Variants in AP2M1 observed in about 807,000 individuals in gnomAD.
AP2M1 encodes AP-2 complex subunit mu.
Under a neutral mutation model 54.5 loss-of-function variants are expected in AP2M1, and 5 were observed. The observed-to-expected ratio is 0.09, with a 90% CI of 0.05 to 0.19. The LOEUF is 0.19. AP2M1 is among the 10% of genes least tolerant of loss of function. The probability of loss-of-function intolerance (pLI) is 1.00; values close to 1 mark genes in which losing one functional copy is unlikely to be tolerated. For synonymous variants in AP2M1, 186 were observed against 208.2 expected (o/e 0.89, Z 0.92); for missense variants, 178 against 580.2 (o/e 0.31, Z 7.12).
In AP2M1 at chr3:184,183,250, A is replaced by C. The variant is rs569753635; in HGVS notation, c.1174-232A>C. On this transcript the variant is annotated intron_variant, in intron 11 of 11. Coordinates refer to ENST00000292807, the MANE Select transcript of AP2M1 (RefSeq NM_004068.4). This position sits in a 1 kb window ranked among gnomAD's most constrained non-coding sequence, Gnocchi z 5.7. ...GAGCAGGATAAGTATGTTCTAAAGC[A>C]GTTCTTTGGTTGCTGTCTCCTGCTG... The C allele has an allele frequency of 6.8e-6, 4 of 591,458 alleles. No homozygotes were observed. The highest frequency in any genetic ancestry group is 1.2e-5 in the Non-Finnish European group (4 of 336,278). The allele number at this position is 591,458 out of a possible 1,614,324, so 36.6% of individuals were successfully genotyped here.
At chr3:184,179,652 G>A (rs1715203483) in intron 3 of AP2M1, among the ~76,000 whole-genome samples, 1 of 139,938 alleles carries the variant, frequency 7.1e-6, no homozygotes, top group Non-Finnish European at 1.5e-5. Context: ...CTCTTCTATT[G>A]ATTTCTTTTC....
chr3:184,180,464 C>A lies in AP2M1; in HGVS notation c.424-181C>A. ...AGCATCTCTATTACCAGGAATACAG[C>A]TCAAGCAGTTTCCTTTTGCACTGAG... is the stretch of plus-strand genomic sequence containing the variant. On this transcript the variant is annotated intron_variant, in intron 4 of 11. Transcript: ENST00000292807. The surrounding 1 kb of genome is among the most constrained non-coding windows in gnomAD (Gnocchi z 4.9). 1.8e-6 allele frequency: 2 copies of A among 1,105,930 alleles called. No individual in the cohort carries two copies. The highest frequency in any genetic ancestry group is 2.6e-6 in the Non-Finnish European group (2 of 762,854). 68.5% of individuals were successfully genotyped at this position (1,105,930 alleles called of 1,614,324 possible). A position where few individuals can be genotyped will look rare whatever the true frequency, so the allele number is the denominator to read the frequency against.
At position 184,181,829 on chromosome 3, in the gene AP2M1, G is replaced by A. The variant is rs779644185; in HGVS notation, c.827+14G>A. On this transcript the variant is annotated intron_variant, in intron 8 of 11. Coordinates refer to ENST00000292807, the MANE Select transcript of AP2M1 (RefSeq NM_004068.4). The surrounding 1 kb of genome is among the most constrained non-coding windows in gnomAD (Gnocchi z 5.7). Reference sequence around the variant, plus strand: ...TGAGCTTATGAGGTGCCATTGGGGTGTGAGGAGGCAGCTAGTGCTGCTGGC... The same window carrying A: ...TGAGCTTATGAGGTGCCATTGGGGTATGAGGAGGCAGCTAGTGCTGCTGGC... 5 of 1,614,096 alleles carry A rather than the reference G, an allele frequency of 3.1e-6. No individual in the cohort carries two copies. Among genetic ancestry groups the A allele is most frequent in the Non-Finnish European group, 4.2e-6 (5 of 1,180,056 alleles).
chr3:184,180,519 C>T lies in AP2M1; in HGVS notation c.424-126C>T. 1.4e-6 allele frequency: 2 copies of T among 1,468,308 alleles called. No homozygotes were observed. Among genetic ancestry groups the T allele is most frequent in the Non-Finnish European group, 1.9e-6 (2 of 1,066,760 alleles). 91.0% of individuals were successfully genotyped at this position (1,468,308 alleles called of 1,614,324 possible). A position where few individuals can be genotyped will look rare whatever the true frequency, so the allele number is the denominator to read the frequency against. On this transcript the variant is annotated intron_variant, in intron 4 of 11. Coordinates refer to ENST00000292807, the MANE Select transcript of AP2M1 (RefSeq NM_004068.4). The surrounding 1 kb of genome is among the most constrained non-coding windows in gnomAD (Gnocchi z 4.9). ...GGGGGAGGAGGCCTGGTCTTGAGGC[C>T]TGGTATTCCTCAGGAGGAGCGAGCT...
At chr3:184,177,520 T>C (rs1434113472) in intron 2 of AP2M1, 1 of 1,534,296 alleles carries the variant, frequency 6.5e-7, no homozygotes, top group East Asian at 2.4e-5. Context: ...GGCTGCCCAA[T>C]CCTCTCCTGC....
At position 184,180,428 on chromosome 3, in the gene AP2M1, G is replaced by T; in HGVS notation, c.423+177G>T. ...TCTGTGTGGTCCTCCCACTGCAGGA[G>T]CAGCCAATTCAGCATCTCTATTACC... is the stretch of plus-strand genomic sequence containing the variant. On this transcript the variant is annotated intron_variant, in intron 4 of 11. Transcript: ENST00000292807. This position sits in a 1 kb window ranked among gnomAD's most constrained non-coding sequence, Gnocchi z 4.9. 1 of 1,042,082 alleles carries T rather than the reference G, an allele frequency of 9.6e-7. No individual in the cohort carries two copies. The highest frequency in any genetic ancestry group is 1.6e-5 in the South Asian group (1 of 62,966). 64.6% of individuals were successfully genotyped at this position (1,042,082 alleles called of 1,614,324 possible). A position where few individuals can be genotyped will look rare whatever the true frequency, so the allele number is the denominator to read the frequency against.
chr3:184,174,945 G>A lies in AP2M1; in HGVS notation c.-58G>A. On this transcript the variant is annotated 5_prime_UTR_variant, in exon 1 of 12. Transcript: ENST00000292807. ...GAGTGGCCGGGCCGGCAGAGCAGGG[G>A]GCCGAGGACACCAGGTGAGCCGGGG... 1 of 398,824 alleles carries A rather than the reference G, an allele frequency of 2.5e-6. No individual in the cohort carries two copies. Among genetic ancestry groups the A allele is most frequent in the Non-Finnish European group, 4.4e-6 (1 of 226,232 alleles). The allele number at this position is 398,824 out of a possible 1,614,324, so 24.7% of individuals were successfully genotyped here.
rs371662321 is a variant in AP2M1 at position 184,180,558 on chromosome 3, C to G, written c.424-87C>G. ...GAGGAGCGAGCTTGGGCCCTCTCCTCTAGGATCCAAGCCTCATAGCTTTCT... is the reference window on the plus strand; with the variant it reads ...GAGGAGCGAGCTTGGGCCCTCTCCTGTAGGATCCAAGCCTCATAGCTTTCT... On this transcript the variant is annotated intron_variant, in intron 4 of 11. Transcript: ENST00000292807. This position sits in a 1 kb window ranked among gnomAD's most constrained non-coding sequence, Gnocchi z 4.9. The G allele has an allele frequency of 8.3e-5, 134 of 1,605,264 alleles. No homozygotes were observed. Among genetic ancestry groups the G allele is most frequent in the Non-Finnish European group, 1.1e-4 (130 of 1,175,080 alleles).
chr3:184,181,514 C>T lies in AP2M1; in HGVS notation c.708-182C>T. 1.1e-6 allele frequency: 1 copy of T among 918,024 alleles called. No individual in the cohort carries two copies. The highest frequency in any genetic ancestry group is 1.6e-6 in the Non-Finnish European group (1 of 620,894). The allele number at this position is 918,024 out of a possible 1,614,324, so 56.9% of individuals were successfully genotyped here. Reference sequence around the variant, plus strand: ...ACCCAGGTCCCTAGCAGAAGGAGCCCCAAGAGATGAGCTTGCAAGGCTTCC... The same window carrying T: ...ACCCAGGTCCCTAGCAGAAGGAGCCTCAAGAGATGAGCTTGCAAGGCTTCC... On this transcript the variant is annotated intron_variant, in intron 7 of 11. Transcript: ENST00000292807. This position sits in a 1 kb window ranked among gnomAD's most constrained non-coding sequence, Gnocchi z 5.7.
rs766384141 is a variant in AP2M1, at chr3:184,182,127, C to T, written c.964-24C>T. ...GCTGATGTCACAGCTTGACAGAGCTCCCTGACAGGTGTGTCACTTCTAGGT... is the reference window on the plus strand; with the variant it reads ...GCTGATGTCACAGCTTGACAGAGCTTCCTGACAGGTGTGTCACTTCTAGGT... On this transcript the variant is annotated intron_variant, in intron 9 of 11. Transcript: ENST00000292807. This position sits in a 1 kb window ranked among gnomAD's most constrained non-coding sequence, Gnocchi z 5.5. 183 of 1,612,990 alleles carry T rather than the reference C, an allele frequency of 1.1e-4. No homozygotes were observed. Among genetic ancestry groups the T allele is most frequent in the Non-Finnish European group, 1.5e-4 (175 of 1,179,452 alleles).
intron 2 of AP2M1, chr3:184,177,674 C>G: frequency 2.8e-6 from 4 of 1,435,330 alleles, no homozygotes; most frequent in Non-Finnish European, 3.8e-6. Context: ...TCAGTAGACC[C>G]AGAGCAGCTC....
In AP2M1 at chr3:184,181,426, T is replaced by C; in HGVS notation, c.707+200T>C. On this transcript the variant is annotated intron_variant, in intron 7 of 11. Coordinates refer to ENST00000292807, the MANE Select transcript of AP2M1 (RefSeq NM_004068.4). The surrounding 1 kb of genome is among the most constrained non-coding windows in gnomAD (Gnocchi z 5.7). ...TCCTCAGAGAGCAAGCCCCTTTGTTTGGTCCCTAGGACCAAGGCCTTTTCT... is the reference window on the plus strand; with the variant it reads ...TCCTCAGAGAGCAAGCCCCTTTGTTCGGTCCCTAGGACCAAGGCCTTTTCT... 1 of 919,614 alleles carries C rather than the reference T, an allele frequency of 1.1e-6. No homozygotes were observed. Among genetic ancestry groups the C allele is most frequent in the Non-Finnish European group, 1.6e-6 (1 of 623,712 alleles). The allele number at this position is 919,614 out of a possible 1,614,324, so 57.0% of individuals were successfully genotyped here.
chr3:184,183,153 G>A lies in AP2M1; in HGVS notation c.1173+285G>A. On this transcript the variant is annotated intron_variant, in intron 11 of 11. Coordinates refer to ENST00000292807, the MANE Select transcript of AP2M1 (RefSeq NM_004068.4). The surrounding 1 kb of genome is among the most constrained non-coding windows in gnomAD (Gnocchi z 5.7). ...AGACACAAAGTTTACTTACAGACAG[G>A]ATAATGGGCTGACTTTGCTTTGCGC... 1 of 557,462 alleles carries A rather than the reference G, an allele frequency of 1.8e-6. No individual in the cohort carries two copies. Among genetic ancestry groups the A allele is most frequent in the Non-Finnish European group, 3.2e-6 (1 of 311,554 alleles). 34.5% of individuals were successfully genotyped at this position (557,462 alleles called of 1,614,324 possible).
At position 184,181,750 on chromosome 3, in the gene AP2M1, CAGCA is replaced by C; in HGVS notation, c.765_768del (p.Lys256LeufsTer19). 6.2e-7 allele frequency: 1 copy of C among 1,614,096 alleles called. No individual in the cohort carries two copies. Among genetic ancestry groups the C allele is most frequent in the Non-Finnish European group, 8.5e-7 (1 of 1,179,958 alleles). On this transcript the variant is annotated frameshift_variant, in exon 8 of 12. Transcript: ENST00000292807. LOFTEE classifies it high-confidence loss of function. This position sits in a 1 kb window ranked among gnomAD's most constrained non-coding sequence, Gnocchi z 5.7. ...GCACCTTCCACCAGTGTGTGCGACTCAGCAAGTTTGACTCTGAACGCAGCATCAG... is the reference window on the plus strand; with the variant it reads ...GCACCTTCCACCAGTGTGTGCGACTCAGTTTGACTCTGAACGCAGCATCAG...
Position 184,180,514 on chromosome 3 carries a change from G to C in AP2M1, c.424-131G>C, listed in dbSNP as rs1715237735. 2 of 1,441,270 alleles carry C rather than the reference G, an allele frequency of 1.4e-6. No individual in the cohort carries two copies. The highest frequency in any genetic ancestry group is 1.9e-6 in the Non-Finnish European group (2 of 1,045,482). 89.3% of individuals were successfully genotyped at this position (1,441,270 alleles called of 1,614,324 possible). On this transcript the variant is annotated intron_variant, in intron 4 of 11. Coordinates refer to ENST00000292807, the MANE Select transcript of AP2M1 (RefSeq NM_004068.4). This position sits in a 1 kb window ranked among gnomAD's most constrained non-coding sequence, Gnocchi z 4.9. Reference sequence around the variant, plus strand: ...GGGGTGGGGGAGGAGGCCTGGTCTTGAGGCCTGGTATTCCTCAGGAGGAGC... The same window carrying C: ...GGGGTGGGGGAGGAGGCCTGGTCTTCAGGCCTGGTATTCCTCAGGAGGAGC...
rs1288785648 is a variant in AP2M1 at position 184,178,587 on chromosome 3, C to G, written c.75-270C>G. Among the ~76,000 whole-genome samples the G allele has an allele frequency of 6.6e-6, 1 of 152,250 alleles. No individual in the cohort carries two copies. Among genetic ancestry groups the G allele is most frequent in the Non-Finnish European group, 1.5e-5 (1 of 68,044 alleles). ...ATCTGTCTCTAAACCTGATGAACCT[C>G]ACTTTATTAAGGTTACATCAGCCTT... On this transcript the variant is annotated intron_variant, in intron 2 of 11. Transcript: ENST00000292807. The surrounding 1 kb of genome is among the most constrained non-coding windows in gnomAD (Gnocchi z 4.9).
At chr3:184,176,827 G>T in intron 1 of AP2M1, 124 bp from the exon 2 acceptor site, 1 of 582,320 alleles carries the variant, frequency 1.7e-6, no homozygotes, top group Admixed American at 3.6e-5. Context: ...ATGTCTGGGA[G>T]GGCTGCAGGG....
chr3:184,181,882 C>G lies in AP2M1; in HGVS notation c.828-30C>G. On this transcript the variant is annotated intron_variant, in intron 8 of 11. Transcript: ENST00000292807. This position sits in a 1 kb window ranked among gnomAD's most constrained non-coding sequence, Gnocchi z 5.7. ...ACTGGGGAGAGGAAGTGGGTCAGCTCTTTGGTAACCTTGCTTCCCATCCCT... is the reference window on the plus strand; with the variant it reads ...ACTGGGGAGAGGAAGTGGGTCAGCTGTTTGGTAACCTTGCTTCCCATCCCT... 1 of 1,613,814 alleles carries G rather than the reference C, an allele frequency of 6.2e-7. No individual in the cohort carries two copies. Among genetic ancestry groups the G allele is most frequent in the Non-Finnish European group, 8.5e-7 (1 of 1,179,736 alleles).
In AP2M1 at chr3:184,178,347, G is replaced by A. The variant is rs1023751248; in HGVS notation, c.75-510G>A. 17 of 1,259,206 alleles carry A rather than the reference G, an allele frequency of 1.4e-5. No individual in the cohort carries two copies. In the Admixed American group the frequency reaches 1.4e-4, roughly 10 times the overall value. 78.0% of individuals were successfully genotyped at this position (1,259,206 alleles called of 1,614,324 possible). On this transcript the variant is annotated intron_variant, in intron 2 of 11. Transcript: ENST00000292807. This position sits in a 1 kb window ranked among gnomAD's most constrained non-coding sequence, Gnocchi z 4.9. The stretch of plus-strand genomic sequence containing the variant: ...GTTGGATCCTGGGCAAGAATGGGTA[G>A]CACAATTCCATGGCCCCTTGGTACT...
Sources: gnomAD v4.1 joint callset for allele counts (sites outside exome capture counted in the v4.1 genomes callset) on GRCh38, gnomAD v4.1.1 for gene constraint, Gnocchi (gnomAD v3.1) non-coding constraint, MANE v1.5 for transcripts, NCBI Gene and HGNC (gene_info 2026-07-23, HGNC 2026-07-21) for gene names.